Variants in EPS8 observed in about 807,000 individuals in gnomAD.
EPS8 encodes EGFR pathway substrate 8, signaling adaptor.
Under a neutral mutation model 103.8 loss-of-function variants are expected in EPS8, and 42 were observed. The ratio of observed to expected loss-of-function variants is 0.40; its 90% CI spans 0.32 to 0.52. EPS8 has a LOEUF of 0.52. Among genes scored for constraint, EPS8 ranks in the 20% least tolerant of loss-of-function variants. The pLI, the probability that EPS8 is intolerant of heterozygous loss-of-function variation, is 0.40. For synonymous variants in EPS8, 344 were observed against 344.6 expected, an observed-to-expected ratio of 1.00 and a Z score of 0.02; for missense variants, 969 against 1,005.1, an observed-to-expected ratio of 0.96 and a Z score of 0.49.
In EPS8 at chr12:15,777,367, A is replaced by C. The variant is rs1947217621; in HGVS notation, c.-22+11794T>G. On this transcript the variant is annotated intron_variant, in intron 1 of 20. Coordinates refer to ENST00000281172, the MANE Select transcript of EPS8 (RefSeq NM_004447.6). The surrounding 1 kb of genome is among the most constrained non-coding windows in gnomAD (Gnocchi z 4.7). ...ACCACAGTGGACCTTTCTAATCAGTATAAAAACTGAATGGTGTTAAGATGC... is the reference window on the plus strand; with the variant it reads ...ACCACAGTGGACCTTTCTAATCAGTCTAAAAACTGAATGGTGTTAAGATGC... 6.6e-6 allele frequency among the ~76,000 whole-genome samples: 1 copy of C among 152,210 alleles called. No homozygotes were observed. Among genetic ancestry groups the C allele is most frequent in the Non-Finnish European group, 1.5e-5 (1 of 68,022 alleles).
intron 8 of EPS8, among the ~76,000 whole-genome samples, chr12:15,663,371 C>T (rs757866313): frequency 2.6e-5 from 4 of 151,942 alleles, no homozygotes; most frequent in African/African-American, 7.3e-5. Flanking sequence ...AGGGATTCAA[C>T]GGAGAAGCAG....
Position 15,647,263 on chromosome 12 carries a change from G to C in EPS8, c.1435-3C>G. The C allele has an allele frequency of 6.2e-7, 1 of 1,609,920 alleles. No homozygotes were observed. The highest frequency in any genetic ancestry group is 8.5e-7 in the Non-Finnish European group (1 of 1,178,174). ...TGATACTCTGATACACTGGAATGCTGAAAGACAAAGTGGGGCAGATTAAAG... is the reference window on the plus strand; with the variant it reads ...TGATACTCTGATACACTGGAATGCTCAAAGACAAAGTGGGGCAGATTAAAG... On this transcript the variant is annotated splice_polypyrimidine_tract_variant and splice_region_variant and intron_variant, in intron 14 of 20. Coordinates refer to ENST00000281172, the MANE Select transcript of EPS8 (RefSeq NM_004447.6).
intron 1 of EPS8, among the ~76,000 whole-genome samples, chr12:15,705,552 A>C (rs1946374422): frequency 6.6e-6 from 1 of 152,220 alleles, no homozygotes; most frequent in African/African-American, 2.4e-5. Context: ...AAACATTTAG[A>C]TCTTGTTTTC....
intron 8 of EPS8, among the ~76,000 whole-genome samples, chr12:15,664,627 C>G (rs79053794): frequency 6.6e-6 from 1 of 152,158 alleles, no homozygotes; most frequent in African/African-American, 2.4e-5. Flanking sequence ...TTTTACTCTG[C>G]ACATCCAAAG....
At chr12:15,788,885 G>T (rs1419478964) in intron 1 of EPS8, among the ~76,000 whole-genome samples, 1 of 152,104 alleles carries the variant, frequency 6.6e-6, no homozygotes, top group African/African-American at 2.4e-5. Context: ...AATATCACTG[G>T]GCCACGGCGA....
At chr12:15,685,797 C>T (rs1021347404) in intron 1 of EPS8, among the ~76,000 whole-genome samples, 2 of 152,004 alleles carry the variant, frequency 1.3e-5, no homozygotes, top group Non-Finnish European at 1.5e-5. Context: ...TTCCATTAGG[C>T]TTTTAAGACA....
chr12:15,701,660 A>G lies in EPS8; in HGVS notation c.-21-18688T>C, dbSNP rs991571836. Among the ~76,000 whole-genome samples, 1 of 152,238 alleles carries G rather than the reference A, an allele frequency of 6.6e-6. No individual in the cohort carries two copies. Among genetic ancestry groups the G allele is most frequent in the East Asian group, 1.9e-4 (1 of 5,202 alleles). On this transcript the variant is annotated intron_variant, in intron 1 of 20. Coordinates refer to ENST00000281172, the MANE Select transcript of EPS8 (RefSeq NM_004447.6). This position sits in a 1 kb window ranked among gnomAD's most constrained non-coding sequence, Gnocchi z 5.1. ...ACCAAGTCTTCAATCTGAAAGAACA[A>G]CTACTTGGATAAGCTTTGAAACATT...
At chr12:15,755,407 C>T (rs1396066991) in intron 1 of EPS8, among the ~76,000 whole-genome samples, 1 of 152,132 alleles carries the variant, frequency 6.6e-6, no homozygotes, top group Non-Finnish European at 1.5e-5. Flanking sequence ...TTCCCCCTTT[C>T]CCACCAAGAT....
chr12:15,647,345 A>G, intron 14 of EPS8, 85 bp from the exon 15 acceptor site: 1 of 1,183,976 alleles, frequency 8.4e-7, no homozygotes. Context: ...TCTCTCAACT[A>G]TATTGTGATA....
At position 15,713,515 on chromosome 12, in the gene EPS8, A is replaced by G. The variant is rs181816785; in HGVS notation, c.-21-30543T>C. 1.3e-5 allele frequency among the ~76,000 whole-genome samples: 2 copies of G among 152,320 alleles called. No individual in the cohort carries two copies. Among genetic ancestry groups the G allele is most frequent in the Admixed American group, 6.5e-5 (1 of 15,290 alleles). On this transcript the variant is annotated intron_variant, in intron 1 of 20. Transcript: ENST00000281172. The surrounding 1 kb of genome is among the most constrained non-coding windows in gnomAD (Gnocchi z 4.8). Reference sequence around the variant, plus strand: ...ACTGGAGTCTCTTCAGCACTTAAGTATAGATTGAAATTGGTAACAAGATGC... The same window carrying G: ...ACTGGAGTCTCTTCAGCACTTAAGTGTAGATTGAAATTGGTAACAAGATGC...
At chr12:15,666,864 T>C (rs983133147) in intron 6 of EPS8, among the ~76,000 whole-genome samples, 1 of 152,152 alleles carries the variant, frequency 6.6e-6, no homozygotes, top group African/African-American at 2.4e-5. Flanking sequence ...CTCCCACACA[T>C]AGAACAGAGT....
rs187340168 is a variant in EPS8 at position 15,688,224 on chromosome 12, A to C, written c.-21-5252T>G. 7.2e-5 allele frequency among the ~76,000 whole-genome samples: 11 copies of C among 152,346 alleles called. No individual in the cohort carries two copies. Among genetic ancestry groups the C allele is most frequent in the African/African-American group, 2.6e-4 (11 of 41,588 alleles). On this transcript the variant is annotated intron_variant, in intron 1 of 20. Coordinates refer to ENST00000281172, the MANE Select transcript of EPS8 (RefSeq NM_004447.6). This position sits in a 1 kb window ranked among gnomAD's most constrained non-coding sequence, Gnocchi z 5.1. ...AATATCACCTCACTTTATCCTTAAAACAACATTATCAGCTAGTTATTGGCT... is the reference window on the plus strand; with the variant it reads ...AATATCACCTCACTTTATCCTTAAACCAACATTATCAGCTAGTTATTGGCT...
In EPS8 at chr12:15,751,078, C is replaced by A. The variant is rs2136018173; in HGVS notation, c.-22+38083G>T. On this transcript the variant is annotated intron_variant, in intron 1 of 20. Coordinates refer to ENST00000281172, the MANE Select transcript of EPS8 (RefSeq NM_004447.6). This position sits in a 1 kb window ranked among gnomAD's most constrained non-coding sequence, Gnocchi z 4.3. Reference sequence around the variant, plus strand: ...AGCATTCAAGAATCCACATTATCACCAGGCTTGGTGGCACATGCCTGTAAA... The same window carrying A: ...AGCATTCAAGAATCCACATTATCACAAGGCTTGGTGGCACATGCCTGTAAA... Among the ~76,000 whole-genome samples, 1 of 152,234 alleles carries A rather than the reference C, an allele frequency of 6.6e-6. No individual in the cohort carries two copies. Among genetic ancestry groups the A allele is most frequent in the Admixed American group, 6.5e-5 (1 of 15,300 alleles).
chr12:15,732,043 G>A (rs1219031615), intron 1 of EPS8, among the ~76,000 whole-genome samples: 1 of 152,158 alleles, frequency 6.6e-6, no homozygotes, highest in Non-Finnish European at 1.5e-5. Flanking sequence ...GAGTAGGTAA[G>A]TCTAAAGTGA....
chr12:15,627,460 T>C (rs376870415), intron 18 of EPS8, among the ~76,000 whole-genome samples: 2 of 152,226 alleles, frequency 1.3e-5, no homozygotes, highest in African/African-American at 4.8e-5. Flanking sequence ...TGAGGCATTC[T>C]GCTGACTTTT....
intron 16 of EPS8, 125 bp downstream of exon 16, chr12:15,641,597 G>C (rs1457776300): frequency 1.3e-5 from 6 of 467,382 alleles, no homozygotes; most frequent in Non-Finnish European, 1.8e-5. Context: ...AATAGATGTA[G>C]ATATTTCTAA....
intron 14 of EPS8, among the ~76,000 whole-genome samples, chr12:15,649,592 C>T (rs767640644): frequency 2.0e-5 from 3 of 151,942 alleles, no homozygotes; most frequent in Non-Finnish European, 4.4e-5. Context: ...GCATGGAATC[C>T]ACCTCTTCCC....
chr12:15,661,681 G>T (rs1945607992), intron 9 of EPS8, among the ~76,000 whole-genome samples: 1 of 151,988 alleles, frequency 6.6e-6, no homozygotes, highest in South Asian at 2.1e-4. Context: ...ATGCCAAGAA[G>T]ACATATTAAA....
At chr12:15,636,378 T>C (rs547385397) in intron 17 of EPS8, among the ~76,000 whole-genome samples, 2 of 152,346 alleles carry the variant, frequency 1.3e-5, no homozygotes, top group South Asian at 2.1e-4. Flanking sequence ...TTCTCTTTTA[T>C]GTTTAAAACT....
Sources: allele counts gnomAD v4.1 joint callset (sites outside exome capture counted in the v4.1 genomes callset), GRCh38; gene constraint gnomAD v4.1.1; non-coding constraint Gnocchi (gnomAD v3.1); transcripts MANE v1.5; gene names NCBI Gene and HGNC (gene_info 2026-07-23, HGNC 2026-07-21).